Variants in AGBL1 observed in about 807,000 individuals in gnomAD.
AGBL1 encodes the protein cytosolic carboxypeptidase 4.
A neutral mutation model predicts 118.9 loss-of-function variants in AGBL1; 130 were observed. The observed-to-expected ratio is 1.09, with a 90% CI of 0.95 to 1.26. The LOEUF (loss-of-function observed/expected upper bound fraction) is 1.26, where lower values mean the gene tolerates loss of function less well. AGBL1 is among the 50% of genes most tolerant of loss of function. The pLI is 0.00. For synonymous variants in AGBL1, 555 were observed against 478.9 expected (o/e 1.16, Z -2.08); for missense variants, 1,584 against 1,298.1 (o/e 1.22, Z -3.38).
intron 17 of AGBL1, among the ~76,000 whole-genome samples, chr15:86,355,200 T>C (rs1325469457): frequency 6.6e-6 from 1 of 152,238 alleles, no homozygotes; most frequent in African/African-American, 2.4e-5. Flanking sequence ...TAATTTGTTA[T>C]GGCAGCAATA....
At chr15:86,504,594 T>TTGGGGATTTATAATATTGATATA (rs2082953230) in intron 18 of AGBL1, among the ~76,000 whole-genome samples, 1 of 151,612 alleles carries the variant, frequency 6.6e-6, no homozygotes, top group Non-Finnish European at 1.5e-5. Context: ...TATAACTGCC[T>TTGGGGATTTATAATATTGATATA]TGGGGATTTA....
At chr15:86,865,463 C>A (rs1414328120) in intron 22 of AGBL1, among the ~76,000 whole-genome samples, 1 of 152,144 alleles carries the variant, frequency 6.6e-6, no homozygotes, top group South Asian at 2.1e-4. Flanking sequence ...ATAATTGGAC[C>A]GGAGGAGTGA....
intron 1 of AGBL1, among the ~76,000 whole-genome samples, chr15:86,100,074 T>A (rs374942976): frequency 1.3e-5 from 2 of 152,204 alleles, no homozygotes; most frequent in Non-Finnish European, 2.9e-5. Flanking sequence ...AAATGCTTTT[T>A]CAGCAGGTAT....
chr15:86,965,731 G>A (rs898882946), intron 23 of AGBL1, among the ~76,000 whole-genome samples: 15 of 151,920 alleles, frequency 9.9e-5, no homozygotes, highest in East Asian at 1.9e-4. Context: ...GAAAAACATC[G>A]TTCTCAGCAA....
At position 86,909,025 on chromosome 15, in the gene AGBL1, T is replaced by A. The variant is rs2080316944; in HGVS notation, c.*1731T>A. Reference sequence around the variant, plus strand: ...GTGTGCTTCTACTCTTGGTCTAGAATGGCTGCTGAAGCATCAGTCACTGCA... The same window carrying A: ...GTGTGCTTCTACTCTTGGTCTAGAAAGGCTGCTGAAGCATCAGTCACTGCA... On this transcript the variant is annotated 3_prime_UTR_variant, in exon 23 of 23. Coordinates refer to ENST00000614907, the MANE Select transcript of AGBL1 (RefSeq NM_001386094.1). 1 of 152,240 alleles carries A rather than the reference T, an allele frequency of 6.6e-6. No individual in the cohort carries two copies. The highest frequency in any genetic ancestry group is 2.4e-5 in the African/African-American group (1 of 41,468). The allele number at this position is 152,240 out of a possible 1,614,324, so 9.4% of individuals were successfully genotyped here.
chr15:86,276,507 G>A (rs1804861032), intron 15 of AGBL1, among the ~76,000 whole-genome samples: 2 of 152,130 alleles, frequency 1.3e-5, no homozygotes, highest in South Asian at 4.1e-4. Context: ...GGAGTCTTGG[G>A]TCCGTGTATT....
chr15:86,570,758 G>T (rs1403571162), intron 21 of AGBL1, among the ~76,000 whole-genome samples: 2 of 152,114 alleles, frequency 1.3e-5, no homozygotes, highest in African/African-American at 4.8e-5. Context: ...GTTTTTATGG[G>T]ATCTTTGGGG....
At chr15:86,311,832 T>C (rs1322318826) in intron 17 of AGBL1, among the ~76,000 whole-genome samples, 1 of 152,208 alleles carries the variant, frequency 6.6e-6, no homozygotes, top group Non-Finnish European at 1.5e-5. Flanking sequence ...CGGAAGGAGC[T>C]TGTTCCCTTG....
intron 19 of AGBL1, among the ~76,000 whole-genome samples, chr15:86,532,170 G>T (rs1306241109): frequency 6.7e-6 from 1 of 149,984 alleles, no homozygotes; most frequent in South Asian, 2.1e-4. Flanking sequence ...AAGTCAAATT[G>T]TCCCTGTTTG....
At chr15:86,999,163 G>T (rs1036194531) in intron 24 of AGBL1, among the ~76,000 whole-genome samples, 1 of 149,570 alleles carries the variant, frequency 6.7e-6, no homozygotes, top group Non-Finnish European at 1.5e-5. Flanking sequence ...CTTCATCCAC[G>T]TCCCTACAAA....
intron 21 of AGBL1, among the ~76,000 whole-genome samples, chr15:86,652,930 G>A (rs1256472139): frequency 6.6e-6 from 1 of 152,072 alleles, no homozygotes; most frequent in Non-Finnish European, 1.5e-5. Context: ...AGAAGTCAAG[G>A]ATGTTGCACA....
chr15:86,550,453 A>T (rs2083648769), intron 20 of AGBL1, among the ~76,000 whole-genome samples: 1 of 152,176 alleles, frequency 6.6e-6, no homozygotes, highest in Non-Finnish European at 1.5e-5. Flanking sequence ...CACCATGCAA[A>T]TGGTAACCAT....
chr15:86,524,107 T>C (rs1055288792), intron 19 of AGBL1, among the ~76,000 whole-genome samples: 2 of 152,240 alleles, frequency 1.3e-5, no homozygotes, highest in African/African-American at 4.8e-5. Flanking sequence ...GAATATATAA[T>C]GTAGAATCTT....
chr15:86,732,974 T>A (rs1180118205), intron 22 of AGBL1, among the ~76,000 whole-genome samples: 9 of 149,192 alleles, frequency 6.0e-5, no homozygotes, highest in Non-Finnish European at 1.3e-4. Flanking sequence ...TACATATACA[T>A]ACATACAGGA....
Position 86,911,655 on chromosome 15 carries a change from T to G in AGBL1, c.*4361T>G, listed in dbSNP as rs1010600913. 5.3e-5 allele frequency: 8 copies of G among 152,188 alleles called. No homozygotes were observed. Among genetic ancestry groups the G allele is most frequent in the Admixed American group, 5.2e-4 (8 of 15,276 alleles). 9.4% of individuals were successfully genotyped at this position (152,188 alleles called of 1,614,324 possible). A position where few individuals can be genotyped will look rare whatever the true frequency, so the allele number is the denominator to read the frequency against. ...AATAGGGGCATGGAAGGGCACTTCT[T>G]AAGCCACACAGCTCCCTAAATGTAC... On this transcript the variant is annotated 3_prime_UTR_variant, in exon 23 of 23. Transcript: ENST00000614907.
chr15:86,749,323 G>A (rs924059291), intron 22 of AGBL1, among the ~76,000 whole-genome samples: 1 of 152,054 alleles, frequency 6.6e-6, no homozygotes, highest in Non-Finnish European at 1.5e-5. Flanking sequence ...TCTATTATTG[G>A]CGTATAAGAA....
At chr15:86,708,616 A>G (rs561640227) in intron 22 of AGBL1, among the ~76,000 whole-genome samples, 1 of 152,304 alleles carries the variant, frequency 6.6e-6, no homozygotes, top group Admixed American at 6.5e-5. Flanking sequence ...ATTTCAAAAA[A>G]TCTTTGCAAA....
chr15:86,080,548 T>A (rs1394563767), intron 1 of AGBL1, among the ~76,000 whole-genome samples: 4 of 152,202 alleles, frequency 2.6e-5, no homozygotes, highest in African/African-American at 7.2e-5. Flanking sequence ...AGAAGGTGTT[T>A]GAATCATGTA....
At chr15:86,293,517 T>C (rs1391778145) in intron 16 of AGBL1, among the ~76,000 whole-genome samples, 1 of 152,182 alleles carries the variant, frequency 6.6e-6, no homozygotes, top group Non-Finnish European at 1.5e-5. Flanking sequence ...AATCATGTTG[T>C]GATTAGATTG....
Sources: allele counts gnomAD v4.1 joint callset (sites outside exome capture counted in the v4.1 genomes callset), GRCh38; gene constraint gnomAD v4.1.1; transcripts MANE v1.5; gene names NCBI Gene and HGNC (gene_info 2026-07-23, HGNC 2026-07-21).